The following ZPBP variants were observed in gnomAD, a reference collection of about 807,000 sequenced individuals.
ZPBP encodes the protein zona pellucida binding protein, also known as zona pellucida-binding protein 1.
Under a neutral mutation model 44.8 loss-of-function variants are expected in ZPBP, and 26 were observed. The ratio of observed to expected loss-of-function variants is 0.58; its 90% CI spans 0.43 to 0.81. The LOEUF (loss-of-function observed/expected upper bound fraction) is 0.81. ZPBP is among the 30% of genes least tolerant of loss of function. ZPBP has a pLI of 0.00. For synonymous variants in ZPBP, 174 were observed against 153.2 expected (o/e 1.14, Z -1.00); for missense variants, 409 against 434.0 (o/e 0.94, Z 0.51).
intron 2 of ZPBP, among the ~76,000 whole-genome samples, chr7:49,865,554 T>A (rs1460464363): frequency 6.6e-6 from 1 of 152,170 alleles, no homozygotes; most frequent in Non-Finnish European, 1.5e-5. Context: ...TAACTCATAA[T>A]CCTCCACATA....
At chr7:49,995,260 A>T (rs891432231) in intron 6 of ZPBP, among the ~76,000 whole-genome samples, 14 of 152,196 alleles carry the variant, frequency 9.2e-5, no homozygotes, top group African/African-American at 3.4e-4. Flanking sequence ...CCAAATTATG[A>T]CATAGAGCTG....
At chr7:49,994,687 C>T (rs1797735271) in intron 6 of ZPBP, among the ~76,000 whole-genome samples, 1 of 152,168 alleles carries the variant, frequency 6.6e-6, no homozygotes, top group African/African-American at 2.4e-5. Flanking sequence ...ATTCTAAAGG[C>T]CTGTGATATG....
chr7:50,086,241 T>C (rs1032750781), intron 2 of ZPBP, among the ~76,000 whole-genome samples: 1 of 152,026 alleles, frequency 6.6e-6, no homozygotes, highest in Non-Finnish European at 1.5e-5. Flanking sequence ...GTAGAAAGAA[T>C]CTTATTTCCA....
intron 5 of ZPBP, among the ~76,000 whole-genome samples, chr7:50,021,902 T>G (rs1799114666): frequency 1.3e-5 from 2 of 152,084 alleles, no homozygotes; most frequent in African/African-American, 4.8e-5. Context: ...TGGGCAACCA[T>G]TTTTTAAAAA....
At chr7:49,973,086 C>T (rs1367084972) in intron 7 of ZPBP, among the ~76,000 whole-genome samples, 2 of 151,900 alleles carry the variant, frequency 1.3e-5, no homozygotes, top group Non-Finnish European at 2.9e-5. Flanking sequence ...AACTAAGTAA[C>T]ACACCTAAGC....
intron 7 of ZPBP, among the ~76,000 whole-genome samples, chr7:49,965,371 A>G (rs1171761689): frequency 6.6e-6 from 1 of 152,124 alleles, no homozygotes; most frequent in Non-Finnish European, 1.5e-5. Flanking sequence ...AATATAATAT[A>G]TAAAGAATAA....
intron 5 of ZPBP, among the ~76,000 whole-genome samples, chr7:50,023,445 G>A (rs910851674): frequency 1.1e-4 from 17 of 151,112 alleles, no homozygotes; most frequent in Non-Finnish European, 2.1e-4. Flanking sequence ...ATAACAAGAC[G>A]ATAAAAAAAA....
At chr7:49,875,860 G>A (rs1791393542) in intron 2 of ZPBP, among the ~76,000 whole-genome samples, 1 of 152,138 alleles carries the variant, frequency 6.6e-6, no homozygotes, top group Non-Finnish European at 1.5e-5. Flanking sequence ...ATGAGCAAGA[G>A]AATCCTGCTT....
At chr7:49,883,212 C>T (rs889448130) in intron 2 of ZPBP, among the ~76,000 whole-genome samples, 4 of 151,956 alleles carry the variant, frequency 2.6e-5, no homozygotes, top group Non-Finnish European at 5.9e-5. Context: ...TCGACTGACC[C>T]GAACCTGCCA....
At chr7:49,905,616 A>G (rs1247023768) in intron 1 of ZPBP, among the ~76,000 whole-genome samples, 1 of 152,184 alleles carries the variant, frequency 6.6e-6, no homozygotes, top group Non-Finnish European at 1.5e-5. Flanking sequence ...AAAACTCTAC[A>G]ATGAGAAAAT....
intron 6 of ZPBP, among the ~76,000 whole-genome samples, chr7:49,995,159 T>G (rs182649929): frequency 5.9e-5 from 9 of 152,320 alleles, no homozygotes; most frequent in Non-Finnish European, 4.4e-5. Context: ...AATTGCTACT[T>G]CTCACTCAAT....
At chr7:50,072,745 C>T (rs1801909204) in intron 3 of ZPBP, among the ~76,000 whole-genome samples, 1 of 152,246 alleles carries the variant, frequency 6.6e-6, no homozygotes, top group African/African-American at 2.4e-5. Context: ...GGTAATACCT[C>T]TGTGAATCTG....
At chr7:50,043,218 A>G (rs539506612) in intron 4 of ZPBP, among the ~76,000 whole-genome samples, 70 of 152,350 alleles carry the variant, frequency 4.6e-4, no homozygotes, top group Non-Finnish European at 7.6e-4. Flanking sequence ...TATAATCTAT[A>G]GAAACAATGC....
At chr7:50,007,882 G>T (rs1798381422) in intron 6 of ZPBP, among the ~76,000 whole-genome samples, 1 of 151,692 alleles carries the variant, frequency 6.6e-6, no homozygotes, top group Non-Finnish European at 1.5e-5. Context: ...ACATAATAAA[G>T]GCCATATAAC....
chr7:49,987,818 G>A (rs1249304211), intron 6 of ZPBP, among the ~76,000 whole-genome samples: 1 of 149,502 alleles, frequency 6.7e-6, no homozygotes, highest in Non-Finnish European at 1.5e-5. Context: ...TGAAGGATAA[G>A]CACTTGGATC....
chr7:49,899,711 C>A (rs1792604905), intron 2 of ZPBP, among the ~76,000 whole-genome samples: 1 of 151,848 alleles, frequency 6.6e-6, no homozygotes, highest in Non-Finnish European at 1.5e-5. Context: ...ACAGGTGAAT[C>A]CACTTTTATA....
intron 2 of ZPBP, among the ~76,000 whole-genome samples, chr7:49,853,481 G>T (rs920686430): frequency 6.6e-6 from 1 of 152,072 alleles, no homozygotes; most frequent in African/African-American, 2.4e-5. Context: ...CTGCCCTCCA[G>T]TGTCTTACAG....
At chr7:49,886,600 A>AT (rs1309736976) in intron 2 of ZPBP, among the ~76,000 whole-genome samples, 1 of 151,696 alleles carries the variant, frequency 6.6e-6, no homozygotes, top group African/African-American at 2.4e-5. Flanking sequence ...GTAGTGTAGT[A>AT]TTTTTTTTAC....
At chr7:49,953,870 A>C (rs932639426) in intron 7 of ZPBP, among the ~76,000 whole-genome samples, 1 of 152,188 alleles carries the variant, frequency 6.6e-6, no homozygotes, top group Non-Finnish European at 1.5e-5. Flanking sequence ...TATTGTTAAG[A>C]TGTTAATATT....
Sources: allele counts gnomAD v4.1 joint callset (sites outside exome capture counted in the v4.1 genomes callset), GRCh38; gene constraint gnomAD v4.1.1; transcripts MANE v1.5; gene names NCBI Gene and HGNC (gene_info 2026-07-23, HGNC 2026-07-21).